The following FRMD4A variants were observed in gnomAD, a reference collection of about 807,000 sequenced individuals.
FRMD4A encodes the protein FERM domain containing 4A.
In FRMD4A, 29 loss-of-function variants were observed where a neutral mutation model predicts 129.1. The ratio of observed to expected loss-of-function variants is 0.22; its 90% CI spans 0.17 to 0.31. The LOEUF is 0.31. FRMD4A is among the 10% of genes least tolerant of loss of function. The pLI is 1.00. For missense variants in FRMD4A, 1,272 were observed against 1,375.8 expected (o/e 0.92, Z 1.19); for synonymous variants, 634 against 571.6 (o/e 1.11, Z -1.56).
At chr10:13,816,199 C>A (rs2093539551) in intron 3 of FRMD4A, among the ~76,000 whole-genome samples, 1 of 152,212 alleles carries the variant, frequency 6.6e-6, no homozygotes, top group African/African-American at 2.4e-5. Flanking sequence ...ACATTTATTA[C>A]TTGCAATTTA....
At chr10:13,756,554 G>A (rs2091871056) in intron 8 of FRMD4A, among the ~76,000 whole-genome samples, 3 of 152,096 alleles carry the variant, frequency 2.0e-5, no homozygotes, top group South Asian at 4.1e-4. Context: ...TAGTGGAGAC[G>A]GGGTTTTGTC....
rs531642457 is a variant in FRMD4A at position 13,681,590 on chromosome 10, A to T, written c.1118-6546T>A. Among the ~76,000 whole-genome samples the T allele has an allele frequency of 6.6e-5, 10 of 152,238 alleles. No homozygotes were observed. In the South Asian group the frequency reaches 8.3e-4, roughly 13 times the overall value. The stretch of plus-strand genomic sequence containing the variant: ...TATATGTATATGTGTATATATATAT[A>T]TTTTTGTAAAGTTTCAGGCAACACT... On this transcript the variant is annotated intron_variant, in intron 15 of 24. Coordinates refer to ENST00000357447, the MANE Select transcript of FRMD4A (RefSeq NM_018027.5).
intron 2 of FRMD4A, among the ~76,000 whole-genome samples, chr10:14,073,609 T>A (rs963598543): frequency 6.6e-6 from 1 of 152,050 alleles, no homozygotes; most frequent in African/African-American, 2.4e-5. Context: ...GCTGATGTTG[T>A]TGGCATTGTC....
intron 2 of FRMD4A, among the ~76,000 whole-genome samples, chr10:13,927,561 G>C (rs2095147841): frequency 1.3e-5 from 2 of 152,198 alleles, no homozygotes; most frequent in African/African-American, 4.8e-5. Context: ...AAGGAGCTGG[G>C]AGATAATTTT....
At chr10:13,679,472 T>TACACACACACACACACACAC (rs1169130994) in intron 15 of FRMD4A, among the ~76,000 whole-genome samples, 5 of 21,394 alleles carry the variant, frequency 2.3e-4, no homozygotes, top group African/African-American at 8.6e-4. Context: ...TATATATATA[T>TACACACACACACACACACAC]ATACACACAC....
At chr10:13,977,468 C>T (rs115477809) in intron 2 of FRMD4A, among the ~76,000 whole-genome samples, 257 of 152,316 alleles carry the variant, frequency 1.7e-3, no homozygotes, top group African/African-American at 5.9e-3. Flanking sequence ...CACTCTTTGT[C>T]AGTGCTCTTA....
intron 17 of FRMD4A, 41 bp downstream of exon 17, chr10:13,670,365 G>T: frequency 3.7e-6 from 6 of 1,600,912 alleles, no homozygotes; most frequent in Non-Finnish European, 4.3e-6. Context: ...GAAAAACAAG[G>T]ATAACATGAG....
chr10:14,031,268 CA>C (rs1378953186), intron 2 of FRMD4A, among the ~76,000 whole-genome samples: 6 of 116,426 alleles, frequency 5.2e-5, no homozygotes, highest in East Asian at 4.0e-4. Flanking sequence ...CTTTTATAGA[CA>C]TTTTTTTTTT....
At chr10:13,731,045 T>C (rs1196295012) in intron 12 of FRMD4A, among the ~76,000 whole-genome samples, 1 of 151,776 alleles carries the variant, frequency 6.6e-6, no homozygotes, top group African/African-American at 2.4e-5. Context: ...AAAAAAGATT[T>C]TTTTTTTCTA....
chr10:13,707,805 TCTCTCC>T (rs1281143394), intron 12 of FRMD4A: 12 of 984,686 alleles, frequency 1.2e-5, no homozygotes, highest in Non-Finnish European at 1.2e-5. Context: ...GCGGCCAGAG[TCTCTCC>T]CTCAAGCTTG....
chr10:14,140,894 C>T (rs1839801446), intron 2 of FRMD4A, among the ~76,000 whole-genome samples: 1 of 152,072 alleles, frequency 6.6e-6, no homozygotes, highest in Non-Finnish European at 1.5e-5. Context: ...AGCAGGGGCT[C>T]AGGGAGACTG....
Position 13,660,560 on chromosome 10 carries a change from A to G in FRMD4A, c.1661-7T>C. On this transcript the variant is annotated splice_polypyrimidine_tract_variant and splice_region_variant and intron_variant, in intron 19 of 24. Coordinates refer to ENST00000357447, the MANE Select transcript of FRMD4A (RefSeq NM_018027.5). ...CTGGTAACCTGAGAGTCTTCTGCAC[A>G]AAGACAGGAAGAGAGGAACTGAGCC... The G allele has an allele frequency of 1.3e-6, 2 of 1,550,900 alleles. No individual in the cohort carries two copies.
At chr10:14,030,004 A>G (rs1262929975) in intron 2 of FRMD4A, among the ~76,000 whole-genome samples, 2 of 152,224 alleles carry the variant, frequency 1.3e-5, no homozygotes, top group African/African-American at 2.4e-5. Flanking sequence ...CAGACACAGA[A>G]AGACACATAT....
intron 12 of FRMD4A, among the ~76,000 whole-genome samples, chr10:13,725,349 T>C (rs1021459565): frequency 2.6e-5 from 4 of 152,176 alleles, no homozygotes; most frequent in African/African-American, 7.2e-5. Flanking sequence ...CAGAGACAAC[T>C]TGGGGAGATT....
Position 14,330,744 on chromosome 10 carries a change from G to A in FRMD4A, c.-229C>T, listed in dbSNP as rs1422465332. 2.5e-6 allele frequency: 1 copy of A among 398,808 alleles called. No individual in the cohort carries two copies. Among genetic ancestry groups the A allele is most frequent in the Non-Finnish European group, 4.4e-6 (1 of 226,330 alleles). The allele number at this position is 398,808 out of a possible 1,614,324, so 24.7% of individuals were successfully genotyped here. On this transcript the variant is annotated 5_prime_UTR_variant, in exon 1 of 25. Transcript: ENST00000357447. The stretch of plus-strand genomic sequence containing the variant: ...AGCAAATGCCCTTACCATCCCCGAG[G>A]AGGAAGTCACTTAGGAACTGACCCT...
chr10:13,987,022 A>C (rs1197933658), intron 2 of FRMD4A, among the ~76,000 whole-genome samples: 1 of 152,160 alleles, frequency 6.6e-6, no homozygotes, highest in African/African-American at 2.4e-5. Context: ...TGTTCTGGCT[A>C]TGTGACTACA....
At chr10:14,318,412 A>T (rs1468942688) in intron 2 of FRMD4A, among the ~76,000 whole-genome samples, 2 of 151,998 alleles carry the variant, frequency 1.3e-5, no homozygotes, top group East Asian at 3.9e-4. Context: ...AAGGAAAAAA[A>T]CATTATTGCC....
At chr10:14,325,329 T>A (rs928148809) in intron 2 of FRMD4A, among the ~76,000 whole-genome samples, 7 of 152,234 alleles carry the variant, frequency 4.6e-5, no homozygotes, top group African/African-American at 1.7e-4. Flanking sequence ...AACTAGGACC[T>A]TGATCACATC....
chr10:13,652,399 T>G, intron 23 of FRMD4A: 1 of 195,162 alleles, frequency 5.1e-6, no homozygotes, highest in Non-Finnish European at 1.0e-5. Context: ...AATCATATAT[T>G]TGGATCAGGT....
Sources: gnomAD v4.1 joint callset for allele counts (sites outside exome capture counted in the v4.1 genomes callset) on GRCh38, gnomAD v4.1.1 for gene constraint, MANE v1.5 for transcripts, NCBI Gene and HGNC (gene_info 2026-07-23, HGNC 2026-07-21) for gene names.